SPOPL: variants seen among roughly 807,000 people sequenced by gnomAD.
SPOPL encodes speckle type BTB/POZ protein like.
A neutral mutation model predicts 53.8 loss-of-function variants in SPOPL; 23 were observed. The observed-to-expected ratio is 0.43, with a 90% confidence interval of 0.31 to 0.61. The LOEUF is 0.61. SPOPL is among the 20% of genes least tolerant of loss of function. The pLI is 0.12. For missense variants in SPOPL, 442 were observed against 466.9 expected, an observed-to-expected ratio of 0.95 and a Z score of 0.49; for synonymous variants, 164 against 149.7, an observed-to-expected ratio of 1.10 and a Z score of -0.70.
chr2:138,563,338 CTGGTG>C (rs1685592847), intron 8 of SPOPL, among the ~76,000 whole-genome samples: 1 of 151,996 alleles, frequency 6.6e-6, no homozygotes, highest in Non-Finnish European at 1.5e-5. Flanking sequence ...TTTAATTAGC[CTGGTG>C]TGGTGCCATG....
chr2:138,529,474 ATG>A (rs1049698875), intron 1 of SPOPL, among the ~76,000 whole-genome samples: 3 of 145,402 alleles, frequency 2.1e-5, no homozygotes, highest in Admixed American at 6.9e-5. Flanking sequence ...TTGTGTAGGT[ATG>A]TGTGTGTGTG....
chr2:138,507,891 A>G (rs1047989870), intron 1 of SPOPL, among the ~76,000 whole-genome samples: 3 of 152,226 alleles, frequency 2.0e-5, no homozygotes, highest in Admixed American at 1.3e-4. Context: ...TATTAAATCT[A>G]TACTTACAGG....
At chr2:138,564,060 T>C (rs1685607388) in intron 8 of SPOPL, among the ~76,000 whole-genome samples, 1 of 152,198 alleles carries the variant, frequency 6.6e-6, no homozygotes, top group Admixed American at 6.5e-5. Flanking sequence ...TGCAGACTAA[T>C]CTATAGTGAT....
chr2:138,550,997 C>A lies in SPOPL; in HGVS notation c.295C>A (p.Arg99=), dbSNP rs755291990. ...AGTCAGCTGCCCCAAAAGTGAAGTT[C>A]GAGCAAAATTCAAATTTTCCCTTCT... The part of the protein sequence containing the change: ...LLVSCPKSEV[R]AKFKFSLLNA... The change falls in exon 4 of 11, where the codon CGA becomes AGA. Residue 99 remains arginine (R), a synonymous_variant. Transcript: ENST00000280098. 1 of 1,613,286 alleles carries A rather than the reference C, an allele frequency of 6.2e-7. No homozygotes were observed. The highest frequency in any genetic ancestry group is 8.5e-7 in the Non-Finnish European group (1 of 1,179,538).
At chr2:138,523,903 G>C (rs930559246) in intron 1 of SPOPL, among the ~76,000 whole-genome samples, 1 of 152,144 alleles carries the variant, frequency 6.6e-6, no homozygotes, top group African/African-American at 2.4e-5. Context: ...GGTACAAACT[G>C]TCAGTGGATC....
In SPOPL at chr2:138,565,829, G is replaced by A. The variant is rs571795223; in HGVS notation, c.1034+836G>A. On this transcript the variant is annotated intron_variant, in intron 10 of 10. Coordinates refer to ENST00000280098, the MANE Select transcript of SPOPL (RefSeq NM_001001664.3). Reference sequence around the variant, plus strand: ...GCTCACTGCGAGCTCCACCTCCTGGGTTCACGCCATTCTCCTGCCTCAGCC... The same window carrying A: ...GCTCACTGCGAGCTCCACCTCCTGGATTCACGCCATTCTCCTGCCTCAGCC... Among the ~76,000 whole-genome samples the A allele has an allele frequency of 3.3e-5, 5 of 151,746 alleles. No individual in the cohort carries two copies. The East Asian group carries it at 9.7e-4, about 30-fold the overall frequency.
chr2:138,510,803 T>C (rs970567049), intron 1 of SPOPL, among the ~76,000 whole-genome samples: 1 of 152,146 alleles, frequency 6.6e-6, no homozygotes, highest in East Asian at 1.9e-4. Context: ...TAGTTTTTTA[T>C]AAGACAAAAA....
chr2:138,518,918 GT>G (rs1479335892), intron 1 of SPOPL, among the ~76,000 whole-genome samples: 3 of 152,180 alleles, frequency 2.0e-5, no homozygotes, highest in Non-Finnish European at 4.4e-5. Context: ...CTATCTTTGA[GT>G]TTTATATTGA....
At chr2:138,540,650 A>G (rs956514685) in intron 1 of SPOPL, among the ~76,000 whole-genome samples, 93 of 152,270 alleles carry the variant, frequency 6.1e-4, no homozygotes, top group African/African-American at 1.7e-3. Context: ...GGGCTGAGAC[A>G]ATGGGGTTTT....
chr2:138,519,175 T>G (rs1333120351), intron 1 of SPOPL, among the ~76,000 whole-genome samples: 1 of 152,200 alleles, frequency 6.6e-6, no homozygotes, highest in Non-Finnish European at 1.5e-5. Flanking sequence ...TACTAAATTA[T>G]TTTTGGTGCT....
In SPOPL at chr2:138,522,031, T is replaced by G. The variant is rs111876162; in HGVS notation, c.-61+19912T>G. Among the ~76,000 whole-genome samples the G allele has an allele frequency of 6.4e-3, 968 of 152,292 alleles. 5 individuals are homozygous for G. Among genetic ancestry groups the G allele is most frequent in the African/African-American group, 0.022 (926 of 41,570 alleles). On this transcript the variant is annotated intron_variant, in intron 1 of 10. Transcript: ENST00000280098. ...GTGAGATCCCAGGACGACCTGAGAC[T>G]TTGTTAGAAATGCAAATTTGGGAAG...
rs1685828158 is a variant in SPOPL at position 138,573,454 on chromosome 2, A to G, written c.*4374A>G. 1.3e-5 allele frequency: 2 copies of G among 152,142 alleles called. No homozygotes were observed. Among genetic ancestry groups the G allele is most frequent in the Non-Finnish European group, 2.9e-5 (2 of 68,002 alleles). 9.4% of individuals were successfully genotyped at this position (152,142 alleles called of 1,614,324 possible). On this transcript the variant is annotated 3_prime_UTR_variant, in exon 11 of 11. Coordinates refer to ENST00000280098, the MANE Select transcript of SPOPL (RefSeq NM_001001664.3). ...AATATGTATGAACCATCAATACTGG[A>G]TGACTTATTCTAATGCTACGTACCA...
In SPOPL at chr2:138,529,474, A is replaced by G. The variant is rs116546159; in HGVS notation, c.-60-20683A>G. Among the ~76,000 whole-genome samples the G allele has an allele frequency of 3.0e-3, 442 of 145,478 alleles. 3 individuals are homozygous for G. The highest frequency in any genetic ancestry group is 6.8e-3 in the Admixed American group (98 of 14,432). ...TCATAAATGAACTGTTTGTGTAGGT[A>G]TGTGTGTGTGTGTATGCATGTGCCT... On this transcript the variant is annotated intron_variant, in intron 1 of 10. Coordinates refer to ENST00000280098, the MANE Select transcript of SPOPL (RefSeq NM_001001664.3).
chr2:138,552,723 G>A (rs777906919), intron 5 of SPOPL, 42 bp downstream of exon 5: 4 of 1,585,212 alleles, frequency 2.5e-6, no homozygotes, highest in Non-Finnish European at 3.4e-6. Flanking sequence ...GGTTTATTTA[G>A]TGATATGGCA....
intron 5 of SPOPL, among the ~76,000 whole-genome samples, chr2:138,555,900 G>A (rs1419523252): frequency 1.3e-5 from 2 of 151,340 alleles, no homozygotes; most frequent in East Asian, 3.9e-4. Context: ...TTTTTTGAAA[G>A]AAGCATAACT....
chr2:138,502,470 A>G (rs79711381), intron 1 of SPOPL, among the ~76,000 whole-genome samples: 1,655 of 151,968 alleles, frequency 0.011, 34 homozygotes, highest in African/African-American at 0.038. Flanking sequence ...ATACCTCCAC[A>G]CCTGCCCCTT....
Position 138,550,503 on chromosome 2 carries a change from C to G in SPOPL, c.99C>G (p.Ser33=). ...CYTQVKVVKF[S]YMWTINNFSF... Reference sequence around the variant, plus strand: ...CTTAGGTTAAAGTAGTAAAATTTTCCTATATGTGGACCATTAATAACTTCA... The same window carrying G: ...CTTAGGTTAAAGTAGTAAAATTTTCGTATATGTGGACCATTAATAACTTCA... The change falls in exon 3 of 11, where the codon TCC becomes TCG. Residue 33 remains serine, a synonymous_variant. Coordinates refer to ENST00000280098, the MANE Select transcript of SPOPL (RefSeq NM_001001664.3). 6.2e-7 allele frequency: 1 copy of G among 1,608,388 alleles called. No individual in the cohort carries two copies. Among genetic ancestry groups the G allele is most frequent in the African/African-American group, 1.3e-5 (1 of 74,766 alleles).
intron 1 of SPOPL, among the ~76,000 whole-genome samples, chr2:138,505,553 T>TC (rs1684197209): frequency 7.4e-6 from 1 of 135,140 alleles, no homozygotes; most frequent in African/African-American, 2.9e-5. Context: ...GGTCAGGAGT[T>TC]CAAGACCAGC....
chr2:138,572,426 A>G lies in SPOPL; in HGVS notation c.*3346A>G, dbSNP rs765288382. 1 of 152,254 alleles carries G rather than the reference A, an allele frequency of 6.6e-6. No homozygotes were observed. Among genetic ancestry groups the G allele is most frequent in the Non-Finnish European group, 1.5e-5 (1 of 67,990 alleles). The allele number at this position is 152,254 out of a possible 1,614,324, so 9.4% of individuals were successfully genotyped here. The stretch of plus-strand genomic sequence containing the variant: ...ATTTTGTTCATAAATTTAAAATCTT[A>G]ATCAGAATTCTTTATAAAATGTGGG... On this transcript the variant is annotated 3_prime_UTR_variant, in exon 11 of 11. Transcript: ENST00000280098.
Sources: allele counts gnomAD v4.1 joint callset (sites outside exome capture counted in the v4.1 genomes callset), GRCh38; gene constraint gnomAD v4.1.1; transcripts MANE v1.5; gene names NCBI Gene and HGNC (gene_info 2026-07-23, HGNC 2026-07-21).